PROX1: variants seen among roughly 807,000 people sequenced by gnomAD.
The protein encoded by PROX1 is prospero homeobox 1.
PROX1 carries 7 observed loss-of-function variants against 58.8 expected under a neutral mutation model. The observed-to-expected ratio is 0.12, with a 90% CI of 0.07 to 0.22. The LOEUF (loss-of-function observed/expected upper bound fraction) is 0.22. Ranked by LOEUF, PROX1 falls within the 10% of genes least tolerant of loss-of-function variation. The probability of loss-of-function intolerance (pLI) is 1.00; values close to 1 mark genes in which losing one functional copy is unlikely to be tolerated. For synonymous variants in PROX1, 350 were observed against 358.3 expected, an observed-to-expected ratio of 0.98 and a Z score of 0.26; for missense variants, 675 against 927.8, an observed-to-expected ratio of 0.73 and a Z score of 3.54.
At chr1:214,001,396 A>G (rs1218132919) in intron 2 of PROX1, among the ~76,000 whole-genome samples, 3 of 152,234 alleles carry the variant, frequency 2.0e-5, no homozygotes, top group Non-Finnish European at 4.4e-5. Context: ...AAATTCCAAA[A>G]GAAACAGTCA....
In PROX1 at chr1:214,035,836, A is replaced by G. The variant is rs765816446; in HGVS notation, c.*2A>G. On this transcript the variant is annotated 3_prime_UTR_variant, in exon 5 of 5. Coordinates refer to ENST00000366958, the MANE Select transcript of PROX1 (RefSeq NM_001270616.2). ...CTACAAGAGCTGCTTCATGAGTAGA[A>G]ATTTCAACAACTCTTTTTGAATGTA... The G allele has an allele frequency of 5.0e-6, 8 of 1,605,122 alleles. No individual in the cohort carries two copies. In the East Asian group the frequency reaches 1.8e-4, roughly 36 times the overall value.
At chr1:213,996,420 G>A in intron 1 of PROX1, 49 bp from the exon 2 acceptor site, 1 of 1,289,530 alleles carries the variant, frequency 7.8e-7, no homozygotes, top group Non-Finnish European at 1.1e-6. Context: ...AGGAAATTTG[G>A]AGAAATTTAA....
In PROX1 at chr1:213,997,470, G is replaced by A. The variant is rs1296602343; in HGVS notation, c.935G>A (p.Arg312Gln). ...CCAGGACAGTTTATTGACCGAGCTC[G>A]AGCCCTGATCAGAGAGCAGGAAATG... ...LDPGQFIDRARALIREQEMAE... is the reference protein window; with the variant it reads ...LDPGQFIDRAQALIREQEMAE... Residue 312 changes from arginine to glutamine, a missense_variant, in exon 2 of 5, where the codon CGA becomes CAA. Around this residue, in one of 8 missense-constraint regions of PROX1, gnomAD observed 403 missense variants for 477.4 expected, o/e 0.84. Coordinates refer to ENST00000366958, the MANE Select transcript of PROX1 (RefSeq NM_001270616.2). The surrounding 1 kb of genome is among the most constrained non-coding windows in gnomAD (Gnocchi z 7.1). 3.7e-6 allele frequency: 6 copies of A among 1,614,112 alleles called. No homozygotes were observed. Among genetic ancestry groups the A allele is most frequent in the South Asian group, 1.1e-5 (1 of 91,078 alleles).
At chr1:214,019,462 AT>A (rs1320939327) in intron 4 of PROX1, among the ~76,000 whole-genome samples, 7 of 152,186 alleles carry the variant, frequency 4.6e-5, no homozygotes, top group African/African-American at 1.7e-4. Context: ...AGGTTTTCAG[AT>A]TTCTGTTGCC....
At chr1:214,017,144 C>G (rs2102744287) in intron 4 of PROX1, among the ~76,000 whole-genome samples, 1 of 151,904 alleles carries the variant, frequency 6.6e-6, no homozygotes, top group South Asian at 2.1e-4. Flanking sequence ...TGGCACATAT[C>G]AAAGTTCAGA....
At chr1:213,995,341 C>T (rs528795537) in intron 1 of PROX1, among the ~76,000 whole-genome samples, 1 of 152,170 alleles carries the variant, frequency 6.6e-6, no homozygotes, top group African/African-American at 2.4e-5. Flanking sequence ...AGGATGTTCT[C>T]TTTTTATACT....
chr1:213,991,745 A>C (rs1663045285), intron 1 of PROX1, among the ~76,000 whole-genome samples: 2 of 152,178 alleles, frequency 1.3e-5, no homozygotes, highest in African/African-American at 4.8e-5. Flanking sequence ...CTTCCTCTTT[A>C]TTTGTTTAAA....
chr1:214,024,336 T>C (rs7543057), intron 4 of PROX1, among the ~76,000 whole-genome samples: 25,686 of 152,106 alleles, frequency 0.17, 4,295 homozygotes, highest in African/African-American at 0.43. Flanking sequence ...AAATACAGAA[T>C]AGAATTTCTC....
chr1:214,005,573 G>C (rs1169467303), intron 3 of PROX1, among the ~76,000 whole-genome samples: 1 of 152,104 alleles, frequency 6.6e-6, no homozygotes, highest in East Asian at 1.9e-4. Flanking sequence ...GTAATGGATG[G>C]GTGTGCTTTA....
chr1:214,007,177 T>G (rs1254620274), intron 3 of PROX1, among the ~76,000 whole-genome samples: 1 of 152,228 alleles, frequency 6.6e-6, no homozygotes, highest in East Asian at 1.9e-4. Context: ...AGAATGCCCC[T>G]AGCAATTCAG....
intron 4 of PROX1, among the ~76,000 whole-genome samples, chr1:214,025,142 A>G (rs1432611407): frequency 3.3e-5 from 5 of 152,330 alleles, no homozygotes; most frequent in African/African-American, 9.6e-5. Flanking sequence ...AACGTTCCTA[A>G]TCAGAGCAGG....
Position 214,040,438 on chromosome 1 carries a change from T to G in PROX1, c.*4604T>G, listed in dbSNP as rs1292108845. On this transcript the variant is annotated 3_prime_UTR_variant, in exon 5 of 5. Coordinates refer to ENST00000366958, the MANE Select transcript of PROX1 (RefSeq NM_001270616.2). ...TTTGTGAAAACGTATTCATTCTGTA[T>G]TTTTTTAAATATTCAATTCCCCTAA... 1 of 152,180 alleles carries G rather than the reference T, an allele frequency of 6.6e-6. No homozygotes were observed. The highest frequency in any genetic ancestry group is 1.5e-5 in the Non-Finnish European group (1 of 68,010). 9.4% of individuals were successfully genotyped at this position (152,180 alleles called of 1,614,324 possible).
At chr1:214,027,690 CTG>C (rs1558186657) in intron 4 of PROX1, among the ~76,000 whole-genome samples, 1 of 152,170 alleles carries the variant, frequency 6.6e-6, no homozygotes, top group Non-Finnish European at 1.5e-5. Context: ...CGTTTTGAAA[CTG>C]TCTTTATCTA....
In PROX1 at chr1:213,997,438, G is replaced by A. The variant is rs777269627; in HGVS notation, c.903G>A (p.Glu301=). ...SVGRSDNEMC[E]LDPGQFIDRA... is the part of the protein sequence containing the mutation. ...GAAGGTCAGATAATGAGATGTGCGA[G>A]CTAGACCCAGGACAGTTTATTGACC... The change falls in exon 2 of 5, where the codon GAG becomes GAA. Residue 301 remains glutamate, a synonymous_variant. Coordinates refer to ENST00000366958, the MANE Select transcript of PROX1 (RefSeq NM_001270616.2). This position sits in a 1 kb window ranked among gnomAD's most constrained non-coding sequence, Gnocchi z 7.1. 9.3e-6 allele frequency: 15 copies of A among 1,614,122 alleles called. No homozygotes were observed. The highest frequency in any genetic ancestry group is 1.2e-5 in the Non-Finnish European group (14 of 1,180,032).
At chr1:213,995,503 C>T (rs1434944642) in intron 1 of PROX1, among the ~76,000 whole-genome samples, 3 of 150,594 alleles carry the variant, frequency 2.0e-5, no homozygotes, top group Non-Finnish European at 4.4e-5. Context: ...AAATAAGGTT[C>T]ACAAATCCTG....
At chr1:213,994,348 GA>G (rs1460019498) in intron 1 of PROX1, among the ~76,000 whole-genome samples, 1 of 152,156 alleles carries the variant, frequency 6.6e-6, no homozygotes, top group African/African-American at 2.4e-5. Flanking sequence ...CATACAAATA[GA>G]AAAGATGTAA....
chr1:213,994,989 A>C (rs898458835), intron 1 of PROX1, among the ~76,000 whole-genome samples: 4 of 151,868 alleles, frequency 2.6e-5, no homozygotes, highest in Admixed American at 6.6e-5. Flanking sequence ...TGCTGAAATT[A>C]TGCCTATTTG....
chr1:214,004,983 G>A (rs761330962), intron 2 of PROX1, among the ~76,000 whole-genome samples, 182 bp from the exon 3 acceptor site: 12 of 152,158 alleles, frequency 7.9e-5, no homozygotes, highest in South Asian at 2.1e-4. Flanking sequence ...TCTGACAGGC[G>A]ACGGTCACTG....
At chr1:213,988,683 C>T (rs1662902064) in intron 1 of PROX1, 200 bp downstream of exon 1, 2 of 152,340 alleles carry the variant, frequency 1.3e-5, no homozygotes, top group African/African-American at 4.8e-5. Flanking sequence ...GCGGGAGCCT[C>T]CGTGGAACTC....
Sources: allele counts gnomAD v4.1 joint callset (sites outside exome capture counted in the v4.1 genomes callset), GRCh38; gene constraint gnomAD v4.1.1; regional missense constraint gnomAD v4.1.1; non-coding constraint Gnocchi (gnomAD v3.1); transcripts MANE v1.5; gene names NCBI Gene and HGNC (gene_info 2026-07-23, HGNC 2026-07-21).